The following RAB10 variants were observed in gnomAD, a reference collection of about 807,000 sequenced individuals.
RAB10 encodes ras-related protein Rab-10.
In RAB10, 5 loss-of-function variants were observed where a neutral mutation model predicts 25.7. That is an observed-to-expected ratio of 0.19 (90% CI 0.10 to 0.41). The LOEUF (loss-of-function observed/expected upper bound fraction) is 0.41, where lower values mean the gene tolerates loss of function less well. Ranked by LOEUF, RAB10 falls within the 10% of genes least tolerant of loss-of-function variation. The pLI is 1.00. For synonymous variants in RAB10, 89 were observed against 86.4 expected (o/e 1.03, Z -0.16); for missense variants, 103 against 245.8 (o/e 0.42, Z 3.89).
chr2:26,054,564 A>G (rs1666209459), intron 1 of RAB10, among the ~76,000 whole-genome samples: 2 of 152,220 alleles, frequency 1.3e-5, no homozygotes, highest in Admixed American at 1.3e-4. Flanking sequence ...TATTCAGCAT[A>G]GTTAATAGGC....
rs559033085 is a variant in RAB10, at chr2:26,136,621, A to G, written c.*1600A>G. ...ATCCTAAGATGATACCTTTGTTGAAAGAATTGTGAATAGCATGATTCATTT... is the reference window on the plus strand; with the variant it reads ...ATCCTAAGATGATACCTTTGTTGAAGGAATTGTGAATAGCATGATTCATTT... On this transcript the variant is annotated 3_prime_UTR_variant, in exon 6 of 6. Transcript: ENST00000264710. 5 of 152,762 alleles carry G rather than the reference A, an allele frequency of 3.3e-5. No individual in the cohort carries two copies. Among genetic ancestry groups the G allele is most frequent in the South Asian group, 2.1e-4 (1 of 4,832 alleles). The allele number at this position is 152,762 out of a possible 1,614,324, so 9.5% of individuals were successfully genotyped here. A position where few individuals can be genotyped will look rare whatever the true frequency, so the allele number is the denominator to read the frequency against.
intron 1 of RAB10, among the ~76,000 whole-genome samples, chr2:26,046,096 C>T (rs752254858): frequency 1.3e-4 from 20 of 152,100 alleles, no homozygotes; most frequent in South Asian, 2.1e-4. Context: ...AGGCCAAGGC[C>T]GGTGGATCAC....
intron 1 of RAB10, among the ~76,000 whole-genome samples, chr2:26,037,888 ATTTC>A (rs1304797102): frequency 1.3e-5 from 2 of 151,562 alleles, no homozygotes; most frequent in Non-Finnish European, 2.9e-5. Flanking sequence ...CCACTAAACA[ATTTC>A]TTTTTTTTTT....
intron 1 of RAB10, among the ~76,000 whole-genome samples, chr2:26,057,179 G>A (rs1559580333): frequency 2.0e-5 from 3 of 152,282 alleles, no homozygotes; most frequent in East Asian, 3.9e-4. Context: ...TGTATGTTAT[G>A]TCTGGGAGGT....
At chr2:26,119,644 C>T (rs1316296243) in intron 3 of RAB10, among the ~76,000 whole-genome samples, 1 of 152,054 alleles carries the variant, frequency 6.6e-6, no homozygotes, top group Non-Finnish European at 1.5e-5. Context: ...AGCCTAGCCT[C>T]CCAGGTACCT....
chr2:26,057,025 G>A (rs527752017), intron 1 of RAB10, among the ~76,000 whole-genome samples: 1 of 152,136 alleles, frequency 6.6e-6, no homozygotes. Flanking sequence ...TCTATGCCAC[G>A]TATTTCTGGT....
intron 1 of RAB10, among the ~76,000 whole-genome samples, chr2:26,039,503 C>A (rs1386512667): frequency 6.6e-6 from 1 of 150,468 alleles, no homozygotes; most frequent in Non-Finnish European, 1.5e-5. Flanking sequence ...CCCACTACCA[C>A]GCCCAGCTAA....
Position 26,034,631 on chromosome 2 carries a change from T to A in RAB10, c.23T>A (p.Leu8Gln). 6.2e-7 allele frequency: 1 copy of A among 1,614,026 alleles called. No homozygotes were observed. Among genetic ancestry groups the A allele is most frequent in the Non-Finnish European group, 8.5e-7 (1 of 1,180,052 alleles). The change falls in exon 1 of 6, where the codon CTG (leucine) becomes CAG (glutamine). Residue 8 changes from leucine to glutamine, a missense_variant. Transcript: ENST00000264710. Reference sequence around the variant, plus strand: ...CCAATGGCGAAGAAGACGTACGACCTGCTTTTCAAGCTGCTCCTGATCGGG... The same window carrying A: ...CCAATGGCGAAGAAGACGTACGACCAGCTTTTCAAGCTGCTCCTGATCGGG... MAKKTYD[L>Q]LFKLLLIGDS...
intron 3 of RAB10, among the ~76,000 whole-genome samples, chr2:26,111,187 A>C (rs1042316466): frequency 1.3e-5 from 2 of 152,234 alleles, no homozygotes; most frequent in African/African-American, 4.8e-5. Flanking sequence ...ACCAAGTCTT[A>C]AACCAATATT....
Position 26,081,266 on chromosome 2 carries a change from A to G in RAB10, c.128-17396A>G, listed in dbSNP as rs566620497. The stretch of plus-strand genomic sequence containing the variant: ...CAGCCTTGGGTATGTCTTTCTCAGC[A>G]GCGTGAAAATGGAGTAATAGATCTG... On this transcript the variant is annotated intron_variant, in intron 1 of 5. Transcript: ENST00000264710. 1.1e-3 allele frequency among the ~76,000 whole-genome samples: 169 copies of G among 152,292 alleles called. 1 individual carries two copies. The highest frequency in any genetic ancestry group is 2.0e-3 in the Non-Finnish European group (136 of 68,034).
chr2:26,084,520 GTTTTGGTACATGGTACGTGT>G (rs1197239013), intron 1 of RAB10, among the ~76,000 whole-genome samples: 3 of 152,168 alleles, frequency 2.0e-5, no homozygotes, highest in Non-Finnish European at 2.9e-5. Context: ...GGTACACCAT[GTTTTGGTACATGGTACGTGT>G]TTTTGGTACA....
chr2:26,104,592 C>G (rs1397847586), intron 2 of RAB10, among the ~76,000 whole-genome samples: 2 of 152,032 alleles, frequency 1.3e-5, no homozygotes, highest in Non-Finnish European at 2.9e-5. Context: ...TCCCATTTAC[C>G]TGTTTTTTCT....
intron 1 of RAB10, among the ~76,000 whole-genome samples, chr2:26,074,502 T>C (rs1429014357): frequency 6.6e-6 from 1 of 152,250 alleles, no homozygotes; most frequent in Admixed American, 6.5e-5. Context: ...CACTGCAACC[T>C]CTGCCTTCTG....
chr2:26,042,819 A>G (rs1327761028), intron 1 of RAB10: 1 of 152,206 alleles, frequency 6.6e-6, no homozygotes, highest in East Asian at 1.9e-4. Flanking sequence ...TATTTCTCCA[A>G]AGAAGCTAAG....
At chr2:26,051,807 C>T (rs144051134) in intron 1 of RAB10, among the ~76,000 whole-genome samples, 2 of 151,418 alleles carry the variant, frequency 1.3e-5, no homozygotes, top group South Asian at 4.2e-4. Flanking sequence ...CCTGTAATCC[C>T]AGCACTTTGG....
intron 3 of RAB10, among the ~76,000 whole-genome samples, chr2:26,122,366 C>T (rs534401063): frequency 3.2e-4 from 48 of 152,220 alleles, no homozygotes; most frequent in East Asian, 9.7e-4. Flanking sequence ...CGGTGGCTCA[C>T]GCCTGTAATC....
chr2:26,046,235 G>T (rs1666001044), intron 1 of RAB10, among the ~76,000 whole-genome samples: 1 of 151,958 alleles, frequency 6.6e-6, no homozygotes, highest in African/African-American at 2.4e-5. Context: ...TGAGGCAGGA[G>T]AATTGCTTGA....
chr2:26,033,727 C>T (rs1224460322), upstream of RAB10, among the ~76,000 whole-genome samples: 1 of 142,226 alleles, frequency 7.0e-6, no homozygotes, highest in African/African-American at 2.5e-5. Flanking sequence ...CGGGAGACCC[C>T]GGGAGGGGAA....
chr2:26,069,669 A>G (rs1188052653), intron 1 of RAB10, among the ~76,000 whole-genome samples: 4 of 144,942 alleles, frequency 2.8e-5, no homozygotes, highest in African/African-American at 1.0e-4. Context: ...CTGCCCCCCT[A>G]CCCCCCAAAA....
Sources: gnomAD v4.1 joint callset for allele counts (sites outside exome capture counted in the v4.1 genomes callset) on GRCh38, gnomAD v4.1.1 for gene constraint, MANE v1.5 for transcripts, NCBI Gene and HGNC (gene_info 2026-07-23, HGNC 2026-07-21) for gene names.